Variants in GHR observed in about 807,000 individuals in gnomAD.
GHR encodes the protein growth hormone receptor.
GHR carries 35 observed loss-of-function variants against 67.1 expected under a neutral mutation model. That is an observed-to-expected ratio of 0.52 (90% CI 0.40 to 0.69). The LOEUF is 0.69. Among genes scored for constraint, GHR ranks in the 30% least tolerant of loss-of-function variants. The pLI is 0.00. For missense variants in GHR, 792 were observed against 764.6 expected (o/e 1.04, Z -0.42); for synonymous variants, 272 against 269.1 (o/e 1.01, Z -0.10).
intron 1 of GHR, among the ~76,000 whole-genome samples, chr5:42,448,689 T>A (rs1579717427): frequency 6.6e-6 from 1 of 151,920 alleles, no homozygotes; most frequent in East Asian, 1.9e-4. Context: ...TTGGGGTTTT[T>A]GCTCATGAGT....
intron 2 of GHR, among the ~76,000 whole-genome samples, chr5:42,567,709 A>G (rs1328220255): frequency 6.6e-6 from 1 of 151,192 alleles, no homozygotes; most frequent in Admixed American, 6.6e-5. Flanking sequence ...ATGGGGCATG[A>G]TGTTTATGTA....
At chr5:42,609,313 A>G (rs754905723) in intron 2 of GHR, among the ~76,000 whole-genome samples, 16 of 152,292 alleles carry the variant, frequency 1.1e-4, no homozygotes, top group Admixed American at 2.0e-4. Context: ...ATGAAGACCA[A>G]GGGTTCTGGG....
Position 42,721,700 on chromosome 5 carries a change from G to A in GHR, c.*2276G>A, listed in dbSNP as rs947012226. On this transcript the variant is annotated 3_prime_UTR_variant, in exon 10 of 10. Coordinates refer to ENST00000230882, the MANE Select transcript of GHR (RefSeq NM_000163.5). ...CAATCAGTCTCAGAATGTCATTTTG[G>A]TACTTTGGTGGCCACATAAGCCATT... The A allele has an allele frequency of 3.9e-5, 6 of 152,566 alleles. No individual in the cohort carries two copies. Among genetic ancestry groups the A allele is most frequent in the Non-Finnish European group, 8.8e-5 (6 of 68,024 alleles). The allele number at this position is 152,566 out of a possible 1,614,324, so 9.5% of individuals were successfully genotyped here. A position where few individuals can be genotyped will look rare whatever the true frequency, so the allele number is the denominator to read the frequency against.
At chr5:42,460,212 A>G (rs1187470326) in intron 1 of GHR, among the ~76,000 whole-genome samples, 3 of 152,210 alleles carry the variant, frequency 2.0e-5, no homozygotes, top group Non-Finnish European at 4.4e-5. Context: ...TTGATCGTGG[A>G]CTTCCCGACC....
intron 3 of GHR, among the ~76,000 whole-genome samples, chr5:42,640,459 G>A (rs1365227353): frequency 6.6e-6 from 1 of 152,122 alleles, no homozygotes; most frequent in Non-Finnish European, 1.5e-5. Context: ...TACTGCTGCT[G>A]CTGCTGTTAC....
At chr5:42,504,542 C>T (rs1326677000) in intron 1 of GHR, among the ~76,000 whole-genome samples, 1 of 152,030 alleles carries the variant, frequency 6.6e-6, no homozygotes, top group African/African-American at 2.4e-5. Context: ...GGGTAGATCA[C>T]GAGGTCAGGA....
chr5:42,618,525 C>G (rs1329567563), intron 2 of GHR, among the ~76,000 whole-genome samples: 1 of 152,006 alleles, frequency 6.6e-6, no homozygotes, highest in African/African-American at 2.4e-5. Context: ...TGAGGTTGCT[C>G]CTTTCAACAG....
chr5:42,620,117 A>T (rs555445949), intron 2 of GHR, among the ~76,000 whole-genome samples: 26 of 152,192 alleles, frequency 1.7e-4, no homozygotes, highest in African/African-American at 6.0e-4. Context: ...AGATGTCATA[A>T]ATCTAGTTAA....
intron 3 of GHR, among the ~76,000 whole-genome samples, chr5:42,656,474 G>T (rs926966205): frequency 1.3e-5 from 2 of 152,000 alleles, no homozygotes; most frequent in Non-Finnish European, 2.9e-5. Context: ...TCCTGATGTC[G>T]TATCTTGCAA....
At chr5:42,494,083 G>C (rs1746223443) in intron 1 of GHR, among the ~76,000 whole-genome samples, 1 of 152,090 alleles carries the variant, frequency 6.6e-6, no homozygotes, top group Non-Finnish European at 1.5e-5. Context: ...CCATAGGTTA[G>C]CATATACTTA....
chr5:42,695,222 AG>A, intron 5 of GHR, 133 bp downstream of exon 5: 1 of 712,442 alleles, frequency 1.4e-6, no homozygotes, highest in Non-Finnish European at 2.5e-6. Flanking sequence ...TCTGTTTTAC[AG>A]GAGATGGGAT....
chr5:42,663,087 T>C lies in GHR; in HGVS notation c.137-25803T>C, dbSNP rs1755740880. 3.3e-5 allele frequency among the ~76,000 whole-genome samples: 5 copies of C among 152,188 alleles called. No individual in the cohort carries two copies. The South Asian group carries it at 1.0e-3, about 31-fold the overall frequency. On this transcript the variant is annotated intron_variant, in intron 3 of 9. Coordinates refer to ENST00000230882, the MANE Select transcript of GHR (RefSeq NM_000163.5). ...AATAGACCAATAACAGGCTCTGAAA[T>C]TGTGGCTATAATCAATAGCTTACCA...
intron 2 of GHR, among the ~76,000 whole-genome samples, chr5:42,593,372 C>A (rs1751892824): frequency 6.6e-6 from 1 of 152,178 alleles, no homozygotes; most frequent in Non-Finnish European, 1.5e-5. Context: ...GAAACTGTCT[C>A]TCAAAAGTTC....
chr5:42,543,749 G>A (rs1007760722), intron 1 of GHR, among the ~76,000 whole-genome samples: 1 of 151,870 alleles, frequency 6.6e-6, no homozygotes, highest in African/African-American at 2.4e-5. Flanking sequence ...TCAATTATTC[G>A]ATTTTATAAA....
intron 2 of GHR, among the ~76,000 whole-genome samples, chr5:42,620,921 C>A (rs912746759): frequency 6.6e-6 from 1 of 152,074 alleles, no homozygotes; most frequent in African/African-American, 2.4e-5. Flanking sequence ...TCCATCTCAC[C>A]TTCCAATATT....
intron 2 of GHR, among the ~76,000 whole-genome samples, chr5:42,597,481 G>A (rs1354998099): frequency 6.6e-6 from 1 of 152,130 alleles, no homozygotes; most frequent in East Asian, 1.9e-4. Flanking sequence ...GGTAAGAACA[G>A]CCTAGAAGTA....
chr5:42,624,607 G>A (rs568045705), intron 2 of GHR, among the ~76,000 whole-genome samples: 2 of 152,218 alleles, frequency 1.3e-5, no homozygotes, highest in East Asian at 3.9e-4. Context: ...ATTACTGCAT[G>A]TATGCCATAA....
chr5:42,663,980 A>T (rs968837663), intron 3 of GHR, among the ~76,000 whole-genome samples: 1 of 152,130 alleles, frequency 6.6e-6, no homozygotes, highest in Non-Finnish European at 1.5e-5. Context: ...TCATGAGTGA[A>T]CTCCCATTCA....
intron 1 of GHR, among the ~76,000 whole-genome samples, chr5:42,512,140 T>C (rs1747045102): frequency 6.6e-6 from 1 of 152,004 alleles, no homozygotes; most frequent in Admixed American, 6.6e-5. Flanking sequence ...ACAGTGCTGG[T>C]TTGTGCTGAT....
Sources: allele counts gnomAD v4.1 joint callset (sites outside exome capture counted in the v4.1 genomes callset), GRCh38; gene constraint gnomAD v4.1.1; transcripts MANE v1.5; gene names NCBI Gene and HGNC (gene_info 2026-07-23, HGNC 2026-07-21).